ASB5: variants seen among roughly 807,000 people sequenced by gnomAD.
ASB5 encodes ankyrin repeat and SOCS box containing 5.
In ASB5, 45 loss-of-function variants were observed where a neutral mutation model predicts 42.1. The ratio of observed to expected loss-of-function variants is 1.07; its 90% CI spans 0.84 to 1.37. The LOEUF (loss-of-function observed/expected upper bound fraction) is 1.37, where lower values mean the gene tolerates loss of function less well. Among genes scored for constraint, ASB5 ranks in the 40% most tolerant of loss-of-function variants. ASB5 has a pLI of 0.00. For missense variants in ASB5, 402 were observed against 399.8 expected (o/e 1.01, Z -0.05); for synonymous variants, 147 against 150.6 (o/e 0.98, Z 0.18).
chr4:176,227,785 T>C (rs1340614937), intron 1 of ASB5, among the ~76,000 whole-genome samples: 2 of 152,142 alleles, frequency 1.3e-5, no homozygotes, highest in Admixed American at 1.3e-4. Flanking sequence ...ATCCTATCTC[T>C]CAATACACAC....
chr4:176,274,389 T>A (rs1349226820), intron 2 of ASB5, among the ~76,000 whole-genome samples: 1 of 152,252 alleles, frequency 6.6e-6, no homozygotes, highest in African/African-American at 2.4e-5. Flanking sequence ...TATTTATATT[T>A]TCTGGAGTCC....
chr4:176,251,783 T>C (rs1754041438), intron 1 of ASB5, among the ~76,000 whole-genome samples: 1 of 151,254 alleles, frequency 6.6e-6, no homozygotes, highest in Non-Finnish European at 1.5e-5. Flanking sequence ...GAGAAACACA[T>C]AGGACCAGCA....
At chr4:176,240,632 C>G (rs971938668) in intron 1 of ASB5, among the ~76,000 whole-genome samples, 3 of 152,174 alleles carry the variant, frequency 2.0e-5, no homozygotes, top group Non-Finnish European at 2.9e-5. Flanking sequence ...AGTGAGTAAA[C>G]GTTTTCAAGA....
intron 1 of ASB5, among the ~76,000 whole-genome samples, chr4:176,226,828 C>T (rs1156415033): frequency 3.3e-5 from 5 of 152,196 alleles, no homozygotes; most frequent in East Asian, 3.9e-4. Flanking sequence ...CTGGGCTCTG[C>T]GGTGTAGGGG....
At chr4:176,223,014 G>A (rs1384750027) in intron 2 of ASB5, among the ~76,000 whole-genome samples, 2 of 152,018 alleles carry the variant, frequency 1.3e-5, no homozygotes, top group African/African-American at 2.4e-5. Context: ...TCCTGACCTC[G>A]TGATCCACCC....
intron 1 of ASB5, among the ~76,000 whole-genome samples, chr4:176,247,259 A>T (rs1399141926): frequency 6.6e-6 from 1 of 152,206 alleles, no homozygotes; most frequent in South Asian, 2.1e-4. Flanking sequence ...AAAGTTGTAG[A>T]TTCTCCTTCA....
chr4:176,232,597 G>A (rs1371151513), intron 1 of ASB5, among the ~76,000 whole-genome samples: 1 of 152,124 alleles, frequency 6.6e-6, no homozygotes, highest in Admixed American at 6.5e-5. Context: ...TTGACAACAT[G>A]TAGCCCATCT....
intron 1 of ASB5, among the ~76,000 whole-genome samples, chr4:176,233,697 T>C (rs916718944): frequency 1.3e-5 from 2 of 152,178 alleles, no homozygotes; most frequent in African/African-American, 4.8e-5. Flanking sequence ...GTCCTCATCA[T>C]CCAAGCTCAG....
Position 176,242,785 on chromosome 4 carries a change from T to C in ASB5, c.197-17444A>G, listed in dbSNP as rs112296234. On this transcript the variant is annotated intron_variant, in intron 1 of 6. Transcript: ENST00000296525. ...TTGTGGAAAGTGAGTGTTTTATTCT[T>C]TACATAATTTTGATTTCTTGACCTA... 2.3e-3 allele frequency among the ~76,000 whole-genome samples: 357 copies of C among 152,322 alleles called. 2 individuals are homozygous for C. Among genetic ancestry groups the C allele is most frequent in the African/African-American group, 8.2e-3 (343 of 41,576 alleles).
upstream of ASB5, among the ~76,000 whole-genome samples, chr4:176,273,016 G>T (rs1350809045): frequency 4.3e-5 from 6 of 139,986 alleles, no homozygotes; most frequent in East Asian, 1.3e-3. Flanking sequence ...GTGTCATGAT[G>T]ACAGCTCACT....
intron 1 of ASB5, among the ~76,000 whole-genome samples, chr4:176,253,655 G>A (rs1369611073): frequency 6.6e-6 from 1 of 152,104 alleles, no homozygotes; most frequent in Non-Finnish European, 1.5e-5. Flanking sequence ...CTCTAGCAAA[G>A]GTCTCCTGGA....
intron 2 of ASB5, among the ~76,000 whole-genome samples, chr4:176,224,395 C>T (rs530058111): frequency 4.6e-5 from 7 of 151,976 alleles, no homozygotes; most frequent in African/African-American, 1.4e-4. Flanking sequence ...CCACCATGCC[C>T]GGATCATTTT....
At chr4:176,222,210 T>C in intron 3 of ASB5, 103 bp downstream of exon 3, 1 of 1,049,212 alleles carries the variant, frequency 9.5e-7, no homozygotes, top group Non-Finnish European at 1.4e-6. Flanking sequence ...TCTGCTATTT[T>C]TGAAAACTAC....
rs1481277642 is a variant in ASB5 at position 176,218,224 on chromosome 4, AAT to A, written c.671-1217_671-1216del. On this transcript the variant is annotated intron_variant, in intron 5 of 6. Transcript: ENST00000296525. ...TAAATATATATATTTGTATGATATA[AAT>A]ATATATATATTTGTATGATATATAA... Among the ~76,000 whole-genome samples the A allele has an allele frequency of 4.6e-4, 12 of 25,984 alleles. 2 individuals carry two copies. Among genetic ancestry groups the A allele is most frequent in the Non-Finnish European group, 6.1e-4 (8 of 13,218 alleles). The allele number at this position is 25,984 out of a possible 152,430, so 17.0% of individuals were successfully genotyped here.
intron 1 of ASB5, among the ~76,000 whole-genome samples, chr4:176,256,892 G>A (rs768080180): frequency 6.6e-5 from 10 of 151,994 alleles, no homozygotes; most frequent in Non-Finnish European, 1.3e-4. Context: ...AGCCAATATC[G>A]CACCACTGCA....
intron 1 of ASB5, among the ~76,000 whole-genome samples, chr4:176,232,544 T>C (rs1439942594): frequency 6.6e-6 from 1 of 152,142 alleles, no homozygotes; most frequent in Non-Finnish European, 1.5e-5. Context: ...ATGTTACTTT[T>C]CTTAAAGGAG....
At position 176,268,380 on chromosome 4, in the gene ASB5, C is replaced by T. The variant is rs563416013; in HGVS notation, c.196+533G>A. Among the ~76,000 whole-genome samples, 8 of 152,168 alleles carry T rather than the reference C, an allele frequency of 5.3e-5. No homozygotes were observed. In the East Asian group the frequency reaches 1.5e-3, roughly 29 times the overall value. ...ACAATTCCATCAGAAAAACACATGTCGTCAATCTTCTTTGTGTGTGTGCTT... is the reference window on the plus strand; with the variant it reads ...ACAATTCCATCAGAAAAACACATGTTGTCAATCTTCTTTGTGTGTGTGCTT... On this transcript the variant is annotated intron_variant, in intron 1 of 6. Coordinates refer to ENST00000296525, the MANE Select transcript of ASB5 (RefSeq NM_080874.4).
chr4:176,219,661 A>C (rs1579309537), intron 5 of ASB5, among the ~76,000 whole-genome samples: 1 of 134,858 alleles, frequency 7.4e-6, no homozygotes, highest in Non-Finnish European at 1.5e-5. Flanking sequence ...TGTTACCTCC[A>C]CCTCCCGGGT....
chr4:176,229,599 C>T (rs566941994), intron 1 of ASB5, among the ~76,000 whole-genome samples: 3 of 152,198 alleles, frequency 2.0e-5, no homozygotes, highest in South Asian at 4.2e-4. Context: ...TGTTTCCCCC[C>T]AGGCTGTCGC....
Sources: allele counts gnomAD v4.1 joint callset (sites outside exome capture counted in the v4.1 genomes callset), GRCh38; gene constraint gnomAD v4.1.1; transcripts MANE v1.5; gene names NCBI Gene and HGNC (gene_info 2026-07-23, HGNC 2026-07-21).